Variants in MAF observed in about 807,000 individuals in gnomAD.
The protein encoded by MAF is MAF bZIP transcription factor.
In MAF, 10 loss-of-function variants were observed where a neutral mutation model predicts 22.0. The observed-to-expected ratio is 0.45, with a 90% CI of 0.28 to 0.77. The LOEUF is 0.77. Among genes scored for constraint, MAF ranks in the 30% least tolerant of loss-of-function variants. The pLI, the probability that MAF is intolerant of heterozygous loss-of-function variation, is 0.12. For synonymous variants in MAF, 337 were observed against 255.8 expected, an observed-to-expected ratio of 1.32 and a Z score of -3.03; for missense variants, 544 against 548.4, an observed-to-expected ratio of 0.99 and a Z score of 0.08.
At chr16:79,533,564 G>C in the MAF span, among the ~76,000 whole-genome samples, 2 of 152,130 alleles carry the variant, frequency 1.3e-5, no homozygotes, top group African/African-American at 4.8e-5. Context: ...AGGGGGAATG[G>C]AAAGTATGAC....
the MAF span, among the ~76,000 whole-genome samples, chr16:79,452,929 A>T: frequency 1.3e-5 from 2 of 152,222 alleles, no homozygotes; most frequent in East Asian, 3.8e-4. Context: ...GCTGCCTGTT[A>T]TATGAGCGAG....
intron 1 of MAF, chr16:79,596,537 G>A (rs1597843724): frequency 9.5e-7 from 1 of 1,048,286 alleles, no homozygotes; most frequent in East Asian, 5.6e-5. Flanking sequence ...AACCAGAATT[G>A]AAAATGAAAG....
At chr16:79,449,390 C>T in the MAF span, among the ~76,000 whole-genome samples, 1 of 152,190 alleles carries the variant, frequency 6.6e-6, no homozygotes, top group Non-Finnish European at 1.5e-5. Flanking sequence ...ATGTGACTCA[C>T]TTAATTACTG....
the MAF span, among the ~76,000 whole-genome samples, chr16:79,337,309 C>T: frequency 6.6e-6 from 1 of 152,182 alleles, no homozygotes; most frequent in Non-Finnish European, 1.5e-5. Flanking sequence ...TGGTGGCTCA[C>T]ACCTGTAATT....
At chr16:79,438,227 G>A in the MAF span, among the ~76,000 whole-genome samples, 2 of 152,262 alleles carry the variant, frequency 1.3e-5, no homozygotes, top group East Asian at 3.9e-4. Context: ...TTTCTGCCCC[G>A]CAGATTATGT....
chr16:79,422,281 G>A, the MAF span, among the ~76,000 whole-genome samples: 1 of 152,214 alleles, frequency 6.6e-6, no homozygotes, highest in Admixed American at 6.5e-5. Context: ...GAAAGAAGAA[G>A]TGATTTAGTC....
At chr16:79,421,637 G>C in the MAF span, among the ~76,000 whole-genome samples, 5 of 105,112 alleles carry the variant, frequency 4.8e-5, no homozygotes, top group East Asian at 2.1e-3. Context: ...GAAGAAAAGT[G>C]ATTTTTTTTT....
the MAF span, among the ~76,000 whole-genome samples, chr16:79,207,604 T>A: frequency 1.3e-5 from 2 of 152,230 alleles, no homozygotes; most frequent in African/African-American, 4.8e-5. Flanking sequence ...TGCCATGATA[T>A]TGTGTCTATT....
the MAF span, among the ~76,000 whole-genome samples, chr16:79,514,129 G>C: frequency 6.6e-6 from 1 of 152,170 alleles, no homozygotes; most frequent in African/African-American, 2.4e-5. Context: ...CAAGCTTTCT[G>C]GCCCAATTCA....
At chr16:79,289,854 A>ACTTTTTTTTT in the MAF span, among the ~76,000 whole-genome samples, 1 of 55,636 alleles carries the variant, frequency 1.8e-5, no homozygotes, top group Admixed American at 2.2e-4. Context: ...TTGTTTGTGT[A>ACTTTTTTTTT]TTTTTTTTTT....
chr16:79,354,755 G>T, the MAF span, among the ~76,000 whole-genome samples: 1 of 152,174 alleles, frequency 6.6e-6, no homozygotes, highest in East Asian at 1.9e-4. Context: ...CACTTTGAGC[G>T]GGATTTCCAT....
chr16:79,486,125 C>T, the MAF span, among the ~76,000 whole-genome samples: 71 of 152,298 alleles, frequency 4.7e-4, no homozygotes, highest in African/African-American at 1.7e-3. Flanking sequence ...CGCTTCCATG[C>T]TCACCCATAA....
chr16:79,251,493 T>A, the MAF span, among the ~76,000 whole-genome samples: 1 of 152,030 alleles, frequency 6.6e-6, no homozygotes, highest in Admixed American at 6.5e-5. Context: ...TTTTTTGTAT[T>A]TTTAGTAGAG....
At chr16:79,207,097 G>C in the MAF span, among the ~76,000 whole-genome samples, 1 of 152,212 alleles carries the variant, frequency 6.6e-6, no homozygotes, top group Admixed American at 6.5e-5. Flanking sequence ...GACAGGGAAA[G>C]ACAGGGCGTG....
chr16:79,409,165 T>A, the MAF span, among the ~76,000 whole-genome samples: 1 of 152,128 alleles, frequency 6.6e-6, no homozygotes, highest in African/African-American at 2.4e-5. Flanking sequence ...GAAACTCTTT[T>A]TAGGCGCCTT....
At chr16:79,342,673 A>G in the MAF span, among the ~76,000 whole-genome samples, 1 of 152,150 alleles carries the variant, frequency 6.6e-6, no homozygotes. Context: ...TAACAAAATT[A>G]AGATCTGTTG....
chr16:79,476,634 T>C, the MAF span, among the ~76,000 whole-genome samples: 7 of 152,128 alleles, frequency 4.6e-5, no homozygotes, highest in Admixed American at 2.0e-4. Context: ...GAGGATTCAC[T>C]CCTAAGAAAG....
chr16:79,467,694 CTG>C, the MAF span, among the ~76,000 whole-genome samples: 2 of 152,176 alleles, frequency 1.3e-5, no homozygotes, highest in African/African-American at 4.8e-5. Context: ...ATCGGAAACT[CTG>C]GGGCTGGGGC....
At chr16:79,267,510 T>C in the MAF span, among the ~76,000 whole-genome samples, 1 of 152,196 alleles carries the variant, frequency 6.6e-6, no homozygotes. Flanking sequence ...GCTGTTGTTC[T>C]AGGGCCAAGT....
Sources: allele counts gnomAD v4.1 joint callset (sites outside exome capture counted in the v4.1 genomes callset), GRCh38; gene constraint gnomAD v4.1.1; transcripts MANE v1.5; gene names NCBI Gene and HGNC (gene_info 2026-07-23, HGNC 2026-07-21).